Variants in GOLT1A observed in about 807,000 individuals in gnomAD.
GOLT1A encodes golgi transport 1A.
In GOLT1A, 10 loss-of-function variants were observed where a neutral mutation model predicts 16.1. The observed-to-expected ratio is 0.62, with a 90% CI of 0.38 to 1.05. The LOEUF (loss-of-function observed/expected upper bound fraction) is 1.05. Among genes scored for constraint, GOLT1A ranks in the 50% least tolerant of loss-of-function variants. The probability of loss-of-function intolerance (pLI) is 0.01; values close to 1 mark genes in which losing one functional copy is unlikely to be tolerated. For missense variants in GOLT1A, 137 were observed against 165.7 expected (o/e 0.83, Z 0.95); for synonymous variants, 60 against 67.9 (o/e 0.88, Z 0.57).
chr1:204,202,950 G>A lies in GOLT1A; in HGVS notation c.63C>T (p.Phe21=). The change falls in exon 2 of 5, where the codon TTC becomes TTT. Residue 21 remains phenylalanine, a synonymous_variant. Coordinates refer to ENST00000308302, the MANE Select transcript of GOLT1A (RefSeq NM_198447.2). ...AGTACAGGAGTGTTCCAAAGAGGAT[G>A]AAGAAGATGCCGAAACCGGTGATCC... ...GVGITGFGIF[F]ILFGTLLYFD... 2 of 1,614,018 alleles carry A rather than the reference G, an allele frequency of 1.2e-6. No homozygotes were observed. The highest frequency in any genetic ancestry group is 2.7e-5 in the African/African-American group (2 of 75,036).
At chr1:204,205,768 T>A (rs1196771720) in intron 1 of GOLT1A, among the ~76,000 whole-genome samples, 1 of 152,094 alleles carries the variant, frequency 6.6e-6, no homozygotes, top group Non-Finnish European at 1.5e-5. Context: ...AAAAGAATCA[T>A]CAAAAATACA....
At chr1:204,199,102 G>A in intron 4 of GOLT1A, 93 bp downstream of exon 4, 2 of 1,123,348 alleles carry the variant, frequency 1.8e-6, no homozygotes, top group Non-Finnish European at 2.6e-6. Context: ...AGAGGCCACT[G>A]CCCCTGGGGC....
rs761018559 is a variant in GOLT1A, at chr1:204,198,468, G to T, written c.389C>A (p.Ser130Ter). ...ALFRRLQGTSSMV is the reference protein window; with the variant it reads ...ALFRRLQGTS The stretch of plus-strand genomic sequence containing the variant: ...GCTCATCTCTGTTTTTCAGACCATC[G>T]AGCTAGTGCCTTGAAGTCTCCGGAA... The change falls in exon 5 of 5, where the codon TCG (serine) becomes TAG (stop). Residue 130 changes from serine to a stop codon, truncating the protein, a stop_gained. Transcript: ENST00000308302. LOFTEE classifies it high-confidence loss of function. The T allele has an allele frequency of 2.5e-6, 4 of 1,613,692 alleles. No homozygotes were observed. The South Asian group carries it at 3.3e-5, about 13-fold the overall frequency.
At chr1:204,208,368 G>A (rs1350011570) in intron 1 of GOLT1A, among the ~76,000 whole-genome samples, 1 of 59,768 alleles carries the variant, frequency 1.7e-5, no homozygotes, top group South Asian at 4.9e-4. Context: ...ATATATGTGT[G>A]TATCTATACA....
rs142140776 is a variant in GOLT1A, at chr1:204,211,182, C to T, written c.25+2700G>A. On this transcript the variant is annotated intron_variant, in intron 1 of 4. Transcript: ENST00000308302. ...ACCCTCCCAGTCCTTCTCCACACGGCGCTCAAAGGTCTTGCAAAACATACA... is the reference window on the plus strand; with the variant it reads ...ACCCTCCCAGTCCTTCTCCACACGGTGCTCAAAGGTCTTGCAAAACATACA... 8.8e-3 allele frequency among the ~76,000 whole-genome samples: 1,344 copies of T among 152,282 alleles called. 6 individuals are homozygous for T. Among genetic ancestry groups the T allele is most frequent in the Middle Eastern group, 0.017 (5 of 294 alleles).
intron 1 of GOLT1A, among the ~76,000 whole-genome samples, chr1:204,203,515 C>T (rs1307631886): frequency 6.6e-6 from 1 of 152,190 alleles, no homozygotes; most frequent in East Asian, 1.9e-4. Flanking sequence ...CTCCACACTG[C>T]CTCCTTCCTC....
rs191453889 is a variant in GOLT1A at position 204,198,526 on chromosome 1, C to A, written c.361-30G>T. 9.9e-6 allele frequency: 16 copies of A among 1,608,176 alleles called. No individual in the cohort carries two copies. The Admixed American group carries it at 2.7e-4, about 27-fold the overall frequency. ...GGGAGCCAAGAATCATTACTCCACA[C>A]AAAGGGTAGAGAGCAGATGCAATAT... On this transcript the variant is annotated intron_variant, in intron 4 of 4. Transcript: ENST00000308302.
In GOLT1A at chr1:204,213,956, G is replaced by A. The variant is rs1364102677; in HGVS notation, c.-50C>T. The A allele has an allele frequency of 1.0e-5, 16 of 1,601,642 alleles. No homozygotes were observed. The highest frequency in any genetic ancestry group is 1.3e-5 in the Non-Finnish European group (15 of 1,173,476). On this transcript the variant is annotated 5_prime_UTR_variant, in exon 1 of 5. The change creates a new upstream start codon in the 5' untranslated region. Coordinates refer to ENST00000308302, the MANE Select transcript of GOLT1A (RefSeq NM_198447.2). ...CCGGGTGGAAGCGGGCAAGTGGAGC[G>A]TGGCCCAGAGGACGCAGCTGGTACA...
intron 1 of GOLT1A, among the ~76,000 whole-genome samples, chr1:204,204,790 A>G (rs1659014890): frequency 6.6e-6 from 1 of 152,226 alleles, no homozygotes; most frequent in Non-Finnish European, 1.5e-5. Context: ...CAGCAACAGT[A>G]CACAAGAGTT....
intron 1 of GOLT1A, among the ~76,000 whole-genome samples, chr1:204,209,895 T>C (rs564396215): frequency 4.5e-4 from 69 of 152,160 alleles, no homozygotes; most frequent in Non-Finnish European, 9.1e-4. Context: ...CCGTCTCTAC[T>C]AAAAATACAA....
At chr1:204,202,136 T>C (rs531301778) in intron 2 of GOLT1A, among the ~76,000 whole-genome samples, 1 of 152,028 alleles carries the variant, frequency 6.6e-6, no homozygotes, top group South Asian at 2.1e-4. Context: ...TCGGGAGGGA[T>C]TTTTATTCCA....
At chr1:204,206,740 T>G (rs963553641) in intron 1 of GOLT1A, among the ~76,000 whole-genome samples, 3 of 152,394 alleles carry the variant, frequency 2.0e-5, no homozygotes, top group Admixed American at 6.5e-5. Context: ...TGTTGAACTT[T>G]CTATATGTTC....
rs184597401 is a variant in GOLT1A at position 204,209,402 on chromosome 1, C to T, written c.25+4480G>A. Among the ~76,000 whole-genome samples, 282 of 152,282 alleles carry T rather than the reference C, an allele frequency of 1.9e-3. 1 individual carries two copies. The highest frequency in any genetic ancestry group is 3.2e-3 in the Non-Finnish European group (219 of 68,022). On this transcript the variant is annotated intron_variant, in intron 1 of 4. Transcript: ENST00000308302. ...CCCCTAGTGTGAACACCCTTCTCAC[C>T]CTGCTGGGGTTCTAACACCCCACTC...
chr1:204,200,594 C>T (rs1392039123), intron 3 of GOLT1A, among the ~76,000 whole-genome samples: 1 of 151,858 alleles, frequency 6.6e-6, no homozygotes, highest in African/African-American at 2.4e-5. Flanking sequence ...TCCCAAAGTG[C>T]TGGGATTATA....
chr1:204,212,070 A>C (rs1010247322), intron 1 of GOLT1A, among the ~76,000 whole-genome samples: 1 of 152,182 alleles, frequency 6.6e-6, no homozygotes, highest in East Asian at 1.9e-4. Flanking sequence ...CCAGACTCAC[A>C]TACCCAACCA....
intron 1 of GOLT1A, among the ~76,000 whole-genome samples, chr1:204,206,011 A>C (rs1042870242): frequency 2.6e-5 from 4 of 152,214 alleles, no homozygotes; most frequent in African/African-American, 9.6e-5. Flanking sequence ...TGGAGGTTGC[A>C]GTGAGCCGAG....
At chr1:204,202,304 G>T (rs999705414) in intron 2 of GOLT1A, among the ~76,000 whole-genome samples, 1 of 151,168 alleles carries the variant, frequency 6.6e-6, no homozygotes, top group African/African-American at 2.4e-5. Flanking sequence ...CCTTAAGAGT[G>T]CCCAGGCTCT....
At chr1:204,212,061 C>A (rs1329196800) in intron 1 of GOLT1A, among the ~76,000 whole-genome samples, 1 of 152,138 alleles carries the variant, frequency 6.6e-6, no homozygotes, top group Admixed American at 6.5e-5. Context: ...CCTGGAACTC[C>A]AGACTCACAT....
chr1:204,205,128 C>CT (rs1428288732), intron 1 of GOLT1A, among the ~76,000 whole-genome samples: 1 of 152,150 alleles, frequency 6.6e-6, no homozygotes, highest in Non-Finnish European at 1.5e-5. Flanking sequence ...AGTCTGTTGA[C>CT]TGTGTCCTTT....
Sources: gnomAD v4.1 joint callset for allele counts (sites outside exome capture counted in the v4.1 genomes callset) on GRCh38, gnomAD v4.1.1 for gene constraint, MANE v1.5 for transcripts, NCBI Gene and HGNC (gene_info 2026-07-23, HGNC 2026-07-21) for gene names.